SHROOM2: variants seen among roughly 807,000 people sequenced by gnomAD.
SHROOM2 encodes the protein protein Shroom2.
A neutral mutation model predicts 75.9 loss-of-function variants in SHROOM2; 33 were observed. The observed-to-expected ratio is 0.43, with a 90% CI of 0.33 to 0.58. The LOEUF (loss-of-function observed/expected upper bound fraction) is 0.58. Among genes scored for constraint, SHROOM2 ranks in the 20% least tolerant of loss-of-function variants. The pLI, the probability that SHROOM2 is intolerant of heterozygous loss-of-function variation, is 0.04. For synonymous variants in SHROOM2, 655 were observed against 663.6 expected, an observed-to-expected ratio of 0.99 and a Z score of 0.20; for missense variants, 1,434 against 1,461.2, an observed-to-expected ratio of 0.98 and a Z score of 0.30.
chrX:9,946,190 G>A (rs1206628117), intron 9 of SHROOM2, among the ~76,000 whole-genome samples: 1 of 113,017 alleles, frequency 8.8e-6, no homozygotes. Flanking sequence ...CAGGCTCGGG[G>A]GCTTCTCCTC....
At chrX:9,807,586 C>G (rs5978342) in intron 1 of SHROOM2, among the ~76,000 whole-genome samples, 6,920 of 112,171 alleles carry the variant, frequency 0.062, 529 homozygotes, top group African/African-American at 0.21. Context: ...GGAAATAAAA[C>G]CCGAGTTCAG....
chrX:9,823,759 T>TC (rs1304185940), intron 1 of SHROOM2, among the ~76,000 whole-genome samples: 10 of 94,763 alleles, frequency 1.1e-4, no homozygotes, highest in Non-Finnish European at 1.9e-4. Flanking sequence ...CTTTTTTCTT[T>TC]TTTCTTTTTT....
chrX:9,941,699 C>G (rs1006804230), intron 8 of SHROOM2, among the ~76,000 whole-genome samples: 1 of 110,685 alleles, frequency 9.0e-6, no homozygotes, highest in Non-Finnish European at 1.9e-5. Context: ...CGGCCGGGCG[C>G]GGTGGCTCAC....
Position 9,886,085 on chromosome X carries a change from A to G in SHROOM2, c.318-4892A>G, listed in dbSNP as rs747828801. On this transcript the variant is annotated intron_variant, in intron 2 of 9. Coordinates refer to ENST00000380913, the MANE Select transcript of SHROOM2 (RefSeq NM_001649.4). ...TTTTCATTTTTTCATTGCCTCATACAGCATTGCTCATTCTCTTCAGACAGT... is the reference window on the plus strand; with the variant it reads ...TTTTCATTTTTTCATTGCCTCATACGGCATTGCTCATTCTCTTCAGACAGT... 2.4e-3 allele frequency among the ~76,000 whole-genome samples: 274 copies of G among 112,759 alleles called. 1 individual carries two copies. The highest frequency in any genetic ancestry group is 3.8e-3 in the Non-Finnish European group (203 of 53,284).
At chrX:9,867,235 A>G (rs2084145125) in intron 1 of SHROOM2, among the ~76,000 whole-genome samples, 1 of 111,448 alleles carries the variant, frequency 9.0e-6, no homozygotes, top group Non-Finnish European at 1.9e-5. Context: ...AATCGGGGCC[A>G]TAAGAGTGAG....
intron 1 of SHROOM2, among the ~76,000 whole-genome samples, chrX:9,807,116 C>CAAGTG (rs1240641766): frequency 3.6e-5 from 4 of 111,913 alleles, no homozygotes; most frequent in Non-Finnish European, 7.5e-5. Flanking sequence ...GGTTCCCACC[C>CAAGTG]ATTCTGTCTG....
intron 5 of SHROOM2, among the ~76,000 whole-genome samples, chrX:9,912,107 A>AACACACACACACACAC (rs61080253): frequency 1.1e-4 from 3 of 26,461 alleles, no homozygotes; most frequent in African/African-American, 3.4e-4. Flanking sequence ...CCTTTCTCCA[A>AACACACACACACACAC]ACACACACAC....
At chrX:9,797,929 A>G (rs2083703912) in intron 1 of SHROOM2, among the ~76,000 whole-genome samples, 1 of 112,286 alleles carries the variant, frequency 8.9e-6, no homozygotes, top group African/African-American at 3.2e-5. Flanking sequence ...GGAGGGCTAC[A>G]CATTGTCATC....
chrX:9,792,807 G>A (rs1344274121), intron 1 of SHROOM2, among the ~76,000 whole-genome samples: 1 of 108,783 alleles, frequency 9.2e-6, no homozygotes, highest in South Asian at 4.1e-4. Flanking sequence ...TGCAACCTCC[G>A]CCTCTGGGGT....
At chrX:9,903,438 G>A (rs1182725603) in intron 5 of SHROOM2, among the ~76,000 whole-genome samples, 2 of 112,800 alleles carry the variant, frequency 1.8e-5, no homozygotes, top group Admixed American at 9.3e-5. Flanking sequence ...AAAGGTTCTT[G>A]TGCAGGGAGT....
At chrX:9,858,217 C>T (rs2146783145) in intron 1 of SHROOM2, among the ~76,000 whole-genome samples, 1 of 111,922 alleles carries the variant, frequency 8.9e-6, no homozygotes, top group Non-Finnish European at 1.9e-5. Context: ...AGCCTCGGCT[C>T]AGTGCCCCCT....
intron 1 of SHROOM2, among the ~76,000 whole-genome samples, chrX:9,796,487 T>A (rs1315216086): frequency 9.0e-6 from 1 of 111,645 alleles, no homozygotes; most frequent in Non-Finnish European, 1.9e-5. Flanking sequence ...CCAGCATCAG[T>A]ACATTTCCTA....
At chrX:9,931,703 A>G (rs2084649672) in intron 5 of SHROOM2, among the ~76,000 whole-genome samples, 1 of 111,671 alleles carries the variant, frequency 9.0e-6, no homozygotes, top group African/African-American at 3.3e-5. Flanking sequence ...TCAAGGTTTT[A>G]TTAAAGAATT....
chrX:9,933,606 T>A (rs1251622603), intron 6 of SHROOM2, among the ~76,000 whole-genome samples: 1 of 107,435 alleles, frequency 9.3e-6, no homozygotes, highest in Non-Finnish European at 1.9e-5. Flanking sequence ...ACCTTGTCTC[T>A]ACTAAAACTA....
intron 5 of SHROOM2, among the ~76,000 whole-genome samples, chrX:9,927,345 A>ATCT (rs111529054): frequency 0.019 from 1,351 of 69,374 alleles, 45 homozygotes; most frequent in African/African-American, 0.075. Flanking sequence ...GCAAGACCCT[A>ATCT]TCTCTGTCTC....
intron 1 of SHROOM2, among the ~76,000 whole-genome samples, chrX:9,833,430 T>A (rs765619108): frequency 1.1e-3 from 120 of 111,645 alleles, no homozygotes; most frequent in African/African-American, 3.7e-3. Context: ...TACTGGGAGA[T>A]GTTTGCTCTG....
intron 3 of SHROOM2, among the ~76,000 whole-genome samples, chrX:9,893,029 G>C (rs2147014068): frequency 8.9e-6 from 1 of 112,378 alleles, no homozygotes; most frequent in Non-Finnish European, 1.9e-5. Flanking sequence ...TGTGTTTTTT[G>C]GTGTGAGTGT....
intron 1 of SHROOM2, among the ~76,000 whole-genome samples, chrX:9,848,433 A>G (rs12392274): frequency 0.14 from 11,902 of 86,053 alleles, 1,471 homozygotes; most frequent in East Asian, 0.46. Flanking sequence ...GAACCCGGGA[A>G]GCGGAGCTTG....
rs58940696 is a variant in SHROOM2 at position 9,872,262 on chromosome X, T to C, written c.166-1390T>C. Among the ~76,000 whole-genome samples the C allele has an allele frequency of 6.3e-3, 704 of 112,594 alleles. 6 individuals are homozygous for C. Among genetic ancestry groups the C allele is most frequent in the African/African-American group, 0.021 (661 of 31,061 alleles). On this transcript the variant is annotated intron_variant, in intron 1 of 9. Coordinates refer to ENST00000380913, the MANE Select transcript of SHROOM2 (RefSeq NM_001649.4). ...CTTTACTGTATAGGAAAATCTAGGT[T>C]AATAAAAGTTACAGAATGTAGGCCG...
Sources: gnomAD v4.1 joint callset for allele counts (sites outside exome capture counted in the v4.1 genomes callset) on GRCh38, gnomAD v4.1.1 for gene constraint, MANE v1.5 for transcripts, NCBI Gene and HGNC (gene_info 2026-07-23, HGNC 2026-07-21) for gene names.